Variants in PPP2R2C observed in about 807,000 individuals in gnomAD.
PPP2R2C encodes protein phosphatase 2 regulatory subunit Bgamma, also known as protein phosphatase 2, regulatory subunit B, gamma.
PPP2R2C carries 10 observed loss-of-function variants against 45.3 expected under a neutral mutation model. The observed-to-expected ratio is 0.22, with a 90% CI of 0.14 to 0.37. The LOEUF is 0.37. Ranked by LOEUF, PPP2R2C falls within the 10% of genes least tolerant of loss-of-function variation. PPP2R2C has a pLI of 1.00. For missense variants in PPP2R2C, 308 were observed against 619.7 expected (o/e 0.50, Z 5.34); for synonymous variants, 257 against 245.4 (o/e 1.05, Z -0.44).
intron 2 of PPP2R2C, among the ~76,000 whole-genome samples, chr4:6,516,987 T>C (rs1366895286): frequency 6.6e-6 from 1 of 152,132 alleles, no homozygotes; most frequent in Non-Finnish European, 1.5e-5. Flanking sequence ...CAGGAGGATA[T>C]TTATAGACAA....
rs767816512 is a variant in PPP2R2C at position 6,347,940 on chromosome 4, C to G, written c.696G>C (p.Pro232=). 2 of 1,614,012 alleles carry G rather than the reference C, an allele frequency of 1.2e-6. No homozygotes were observed. The highest frequency in any genetic ancestry group is 1.7e-5 in the Admixed American group (1 of 60,010). Residue 232 remains proline, a synonymous_variant, in exon 6 of 9, where the codon CCG becomes CCC. Coordinates refer to ENST00000382599, the MANE Select transcript of PPP2R2C (RefSeq NM_020416.4). The part of the protein sequence containing the change: ...TEVITASEFH[P]HHCNLFVYSS... ...TGTAGACGAAGAGGTTGCAGTGGTGCGGATGGAACTCAGATGCTGTGATCA... is the reference window on the plus strand; with the variant it reads ...TGTAGACGAAGAGGTTGCAGTGGTGGGGATGGAACTCAGATGCTGTGATCA...
At chr4:6,535,744 C>G (rs1031170912) in intron 1 of PPP2R2C, among the ~76,000 whole-genome samples, 7 of 152,216 alleles carry the variant, frequency 4.6e-5, no homozygotes, top group African/African-American at 1.7e-4. Flanking sequence ...CAGGTCACTC[C>G]CGCTTAAAAA....
intron 2 of PPP2R2C, among the ~76,000 whole-genome samples, chr4:6,531,962 C>T (rs1191388712): frequency 1.3e-5 from 2 of 152,334 alleles, no homozygotes; most frequent in African/African-American, 2.4e-5. Context: ...CAAGGCTACA[C>T]GTGATAGAAC....
intron 5 of PPP2R2C, among the ~76,000 whole-genome samples, chr4:6,369,355 G>C (rs906205000): frequency 1.3e-5 from 2 of 152,158 alleles, no homozygotes; most frequent in Non-Finnish European, 2.9e-5. Flanking sequence ...CCACCATTTT[G>C]TGTGCACAGC....
intron 1 of PPP2R2C, among the ~76,000 whole-genome samples, chr4:6,549,288 T>C (rs1383521477): frequency 6.7e-6 from 1 of 148,636 alleles, no homozygotes; most frequent in African/African-American, 2.5e-5. Context: ...CTTCCCACTC[T>C]CTGCTTTGGC....
intron 2 of PPP2R2C, among the ~76,000 whole-genome samples, chr4:6,484,509 T>C (rs945007643): frequency 4.2e-5 from 6 of 144,412 alleles, no homozygotes; most frequent in African/African-American, 1.4e-4. Flanking sequence ...GTTTTTCAGT[T>C]TCTTAAAAAA....
chr4:6,436,575 T>C (rs1293217565), intron 1 of PPP2R2C, among the ~76,000 whole-genome samples: 1 of 152,254 alleles, frequency 6.6e-6, no homozygotes, highest in Non-Finnish European at 1.5e-5. Flanking sequence ...TAGAGTTCCC[T>C]GAGCCAGGCG....
chr4:6,421,411 A>G (rs1265005555), intron 1 of PPP2R2C, among the ~76,000 whole-genome samples: 1 of 152,134 alleles, frequency 6.6e-6, no homozygotes, highest in Admixed American at 6.5e-5. Flanking sequence ...AAATGGAGTG[A>G]GGGTTTGTCC....
chr4:6,323,995 C>G (rs1294847256), intron 8 of PPP2R2C, among the ~76,000 whole-genome samples: 1 of 152,160 alleles, frequency 6.6e-6, no homozygotes, highest in Non-Finnish European at 1.5e-5. Context: ...AGCCATCACT[C>G]CCTGGAAAGG....
chr4:6,409,600 C>T (rs1045720357), intron 1 of PPP2R2C, among the ~76,000 whole-genome samples: 5 of 152,118 alleles, frequency 3.3e-5, no homozygotes, highest in African/African-American at 1.2e-4. Flanking sequence ...AAAGTGCCAT[C>T]GTCACTGGCC....
At chr4:6,433,871 T>C (rs1462099531) in intron 1 of PPP2R2C, among the ~76,000 whole-genome samples, 3 of 152,212 alleles carry the variant, frequency 2.0e-5, no homozygotes, top group African/African-American at 7.2e-5. Context: ...CTCGAACAGC[T>C]GACTCTAGAG....
At chr4:6,513,749 G>A (rs1163853475) in intron 2 of PPP2R2C, among the ~76,000 whole-genome samples, 2 of 152,172 alleles carry the variant, frequency 1.3e-5, no homozygotes, top group Non-Finnish European at 2.9e-5. Flanking sequence ...TGAAAAGGGC[G>A]TGCACTGGGC....
rs56002128 is a variant in PPP2R2C, at chr4:6,518,922, TAAAAAA to T, written c.49+16343_49+16348del. ...TGGGCAACAGAGCAAGACTCTGTCTTAAAAAAAAAAAAAAAAAAAAAAAAAAAAAAA... is the reference window on the plus strand; with the variant it reads ...TGGGCAACAGAGCAAGACTCTGTCTTAAAAAAAAAAAAAAAAAAAAAAAAA... On this transcript the variant is annotated intron_variant, in intron 2 of 9. Coordinates refer to the PPP2R2C transcript ENST00000506140. Among the ~76,000 whole-genome samples the T allele has an allele frequency of 5.2e-3, 481 of 92,746 alleles. 2 individuals carry two copies. Among genetic ancestry groups the T allele is most frequent in the African/African-American group, 0.027 (431 of 16,010 alleles). The allele number at this position is 92,746 out of a possible 152,430, so 60.8% of individuals were successfully genotyped here.
At chr4:6,397,504 A>T (rs1717120439) in intron 1 of PPP2R2C, among the ~76,000 whole-genome samples, 1 of 94,010 alleles carries the variant, frequency 1.1e-5, no homozygotes. Context: ...GGGACAGGAT[A>T]AACAGAAGTT....
chr4:6,409,012 AG>A (rs988408347), intron 1 of PPP2R2C, among the ~76,000 whole-genome samples: 1 of 151,856 alleles, frequency 6.6e-6, no homozygotes, highest in Admixed American at 6.6e-5. Context: ...GTGGAGATGT[AG>A]GCAAACAGCT....
intron 1 of PPP2R2C, among the ~76,000 whole-genome samples, chr4:6,537,220 T>A (rs1367115017): frequency 2.7e-5 from 4 of 149,680 alleles, no homozygotes; most frequent in Admixed American, 1.3e-4. Flanking sequence ...AAAGGAAGAA[T>A]GACATCAAAG....
At chr4:6,526,125 C>T (rs778786937) in intron 2 of PPP2R2C, among the ~76,000 whole-genome samples, 3 of 152,234 alleles carry the variant, frequency 2.0e-5, no homozygotes, top group Non-Finnish European at 2.9e-5. Flanking sequence ...GACTGTAATA[C>T]TTACATATTA....
rs927139046 is a variant in PPP2R2C, at chr4:6,364,828, T to C, written c.625+7695A>G. ...TCATGATCAGAGTGAGACAGTGGCC[T>C]AAACACATGCTGGGGGCAGACAGGC... On this transcript the variant is annotated intron_variant, in intron 5 of 8. Coordinates refer to ENST00000382599, the MANE Select transcript of PPP2R2C (RefSeq NM_020416.4). This position sits in a 1 kb window ranked among gnomAD's most constrained non-coding sequence, Gnocchi z 5.3. Among the ~76,000 whole-genome samples the C allele has an allele frequency of 2.0e-5, 3 of 152,072 alleles. No homozygotes were observed. The highest frequency in any genetic ancestry group is 7.2e-5 in the African/African-American group (3 of 41,418).
chr4:6,323,355 C>T lies in PPP2R2C; in HGVS notation c.1291G>A (p.Ala431Thr), dbSNP rs759923972. ...TGGAAGATGTACAGGTTGTTGGTGGCGGCGATGGCAATGATGTTCTCAGCC... is the reference window on the plus strand; with the variant it reads ...TGGAAGATGTACAGGTTGTTGGTGGTGGCGATGGCAATGATGTTCTCAGCC... ...HPAENIIAIA[A>T]TNNLYIFQDK... The change falls in exon 9 of 9, where the codon GCC becomes ACC. Residue 431 changes from alanine to threonine, a missense_variant. Physicochemically the swap from Ala to Thr is moderately conservative, Grantham distance 58 (BLOSUM62 0). Coordinates refer to ENST00000382599, the MANE Select transcript of PPP2R2C (RefSeq NM_020416.4). The T allele has an allele frequency of 7.4e-6, 12 of 1,613,306 alleles. No homozygotes were observed. Among genetic ancestry groups the T allele is most frequent in the Admixed American group, 3.3e-5 (2 of 60,000 alleles).
Sources: allele counts gnomAD v4.1 joint callset (sites outside exome capture counted in the v4.1 genomes callset), GRCh38; gene constraint gnomAD v4.1.1; non-coding constraint Gnocchi (gnomAD v3.1); transcripts MANE v1.5; gene names NCBI Gene and HGNC (gene_info 2026-07-23, HGNC 2026-07-21).